PIGR: variants seen among roughly 807,000 people sequenced by gnomAD.
The protein encoded by PIGR is hepatocellular carcinoma associated protein TB6.
In PIGR, 22 loss-of-function variants were observed where a neutral mutation model predicts 69.5. The ratio of observed to expected loss-of-function variants is 0.32; its 90% CI spans 0.23 to 0.45. The LOEUF (loss-of-function observed/expected upper bound fraction) is 0.45, where lower values mean the gene tolerates loss of function less well. PIGR is among the 20% of genes least tolerant of loss of function. The probability of loss-of-function intolerance (pLI) is 1.00; values close to 1 mark genes in which losing one functional copy is unlikely to be tolerated. For synonymous variants in PIGR, 413 were observed against 407.6 expected, an observed-to-expected ratio of 1.01 and a Z score of -0.16; for missense variants, 885 against 974.0, an observed-to-expected ratio of 0.91 and a Z score of 1.22.
At position 206,939,188 on chromosome 1, in the gene PIGR, G is replaced by A. The variant is rs767630842; in HGVS notation, c.319C>T (p.Arg107Cys). 8 of 1,614,040 alleles carry A rather than the reference G, an allele frequency of 5.0e-6. No homozygotes were observed. The highest frequency in any genetic ancestry group is 3.3e-4 in the Middle Eastern group (2 of 6,084). Reference protein sequence around the residue: ...IAQLSQDDSGRYKCGLGINSR... With the variant: ...IAQLSQDDSGCYKCGLGINSR... ...TTGATGCCCAGGCCACACTTGTAGC[G>A]CCCGGAGTCATCCTGGCTCAGCTGG... is the stretch of plus-strand genomic sequence containing the variant. The change falls in exon 3 of 11, where the codon CGC becomes TGC. Residue 107 changes from arginine (R) to cysteine (C), a missense_variant. Transcript: ENST00000356495.
At position 206,937,164 on chromosome 1, in the gene PIGR, C is replaced by T. The variant is rs1368817773; in HGVS notation, c.976G>A (p.Gly326Arg). Residue 326 changes from glycine (G) to arginine (R), a missense_variant, in exon 4 of 11, where the codon GGA (glycine) becomes AGA (arginine). Coordinates refer to ENST00000356495, the MANE Select transcript of PIGR (RefSeq NM_002644.4). Reference protein sequence around the residue: ...RKEDAGRYLCGAHSDGQLQEG... With the variant: ...RKEDAGRYLCRAHSDGQLQEG... ...TGCAGCTGACCATCCGAATGGGCTC[C>T]ACACAGGTAGCGCCCTGCATCCTCC... 1 of 1,613,906 alleles carries T rather than the reference C, an allele frequency of 6.2e-7. No individual in the cohort carries two copies. Among genetic ancestry groups the T allele is most frequent in the Non-Finnish European group, 8.5e-7 (1 of 1,179,876 alleles).
Position 206,940,536 on chromosome 1 carries a change from G to A in PIGR, c.-5C>T. The A allele has an allele frequency of 4.5e-6, 7 of 1,551,294 alleles. No homozygotes were observed. The highest frequency in any genetic ancestry group is 6.1e-6 in the Non-Finnish European group (7 of 1,146,842). ...GGTGAGCACGAAGAGCAGCATTGCT[G>A]GTGGGTCCCGAGCGCCGCACCACTC... On this transcript the variant is annotated 5_prime_UTR_variant, in exon 2 of 11. Coordinates refer to ENST00000356495, the MANE Select transcript of PIGR (RefSeq NM_002644.4).
In PIGR at chr1:206,935,550, G is replaced by A; in HGVS notation, c.1314C>T (p.Phe438=). 6.2e-7 allele frequency: 1 copy of A among 1,614,216 alleles called. No individual in the cohort carries two copies. Among genetic ancestry groups the A allele is most frequent in the Admixed American group, 1.7e-5 (1 of 60,030 alleles). The change falls in exon 5 of 11, where the codon TTC becomes TTT. Residue 438 remains phenylalanine, a synonymous_variant. Coordinates refer to ENST00000356495, the MANE Select transcript of PIGR (RefSeq NM_002644.4). This position sits in a 1 kb window ranked among gnomAD's most constrained non-coding sequence, Gnocchi z 4.4. ...TATCGCCGTTGGTCAGACACCAGTA[G>A]AAGCCGGCGTCCCGGCTGGTGAGCT... The part of the protein sequence containing the change: ...LNQLTSRDAG[F]YWCLTNGDTL...
In PIGR at chr1:206,934,719, T is replaced by C. The variant is rs767674762; in HGVS notation, c.1406A>G (p.Asn469Ser). 3 of 1,609,062 alleles carry C rather than the reference T, an allele frequency of 1.9e-6. No individual in the cohort carries two copies. In the African/African-American group the frequency reaches 4.0e-5, roughly 21 times the overall value. The part of the protein sequence containing the change: ...EGEPNLKVPG[N>S]VTAVLGETLK... ...AGTCTCTCCCAGCACAGCCGTGACA[T>C]TCCCTGGTACCTTGAGGTTTGGTTC... The change falls in exon 6 of 11, where the codon AAT (asparagine) becomes AGT (serine). Residue 469 changes from asparagine to serine, a missense_variant. Physicochemically the swap from Asn to Ser is conservative, Grantham distance 46. Coordinates refer to ENST00000356495, the MANE Select transcript of PIGR (RefSeq NM_002644.4).
chr1:206,932,612 G>C lies in PIGR; in HGVS notation c.1887-35C>G, dbSNP rs759857003. 3.2e-6 allele frequency: 5 copies of C among 1,576,880 alleles called. No homozygotes were observed. The South Asian group carries it at 4.6e-5, about 15-fold the overall frequency. ...GGCTTAAGTTAGTTCATCCCTGGAA[G>C]GGAGATCTGGGGGCCCGACGATGTG... is the stretch of plus-strand genomic sequence containing the variant. On this transcript the variant is annotated intron_variant, in intron 7 of 10. Coordinates refer to ENST00000356495, the MANE Select transcript of PIGR (RefSeq NM_002644.4).
At chr1:206,939,983 G>T (rs1447600155) in intron 2 of PIGR, among the ~76,000 whole-genome samples, 1 of 152,208 alleles carries the variant, frequency 6.6e-6, no homozygotes, top group Non-Finnish European at 1.5e-5. Context: ...GCCTCCCAAA[G>T]TGCTGGCATT....
intron 10 of PIGR, chr1:206,931,223 G>C (rs546151398): frequency 4.0e-4 from 398 of 985,274 alleles, no homozygotes; most frequent in Non-Finnish European, 4.7e-4. Context: ...TTATGCACCT[G>C]CTTTCCTCAT....
intron 10 of PIGR, 92 bp downstream of exon 10, chr1:206,931,405 C>T (rs1466284048): frequency 2.5e-5 from 40 of 1,611,804 alleles, no homozygotes; most frequent in Non-Finnish European, 3.3e-5. Flanking sequence ...GGGATCGGCC[C>T]CCATGTTGAG....
intron 6 of PIGR, among the ~76,000 whole-genome samples, chr1:206,933,617 G>C (rs1445644275): frequency 6.6e-6 from 1 of 152,166 alleles, no homozygotes; most frequent in African/African-American, 2.4e-5. Context: ...CCTTATTAGG[G>C]CTAAAACATT....
rs993227521 is a variant in PIGR at position 206,928,737 on chromosome 1, A to G, written c.*1581T>C. ...CATCAGGGGTTGTGAGGGTTTGGCC[A>G]TTCTTTTATCTTGGGTCCATGTGAG... On this transcript the variant is annotated 3_prime_UTR_variant, in exon 11 of 11. Coordinates refer to ENST00000356495, the MANE Select transcript of PIGR (RefSeq NM_002644.4). The G allele has an allele frequency of 2.0e-5, 3 of 152,614 alleles. No homozygotes were observed. Among genetic ancestry groups the G allele is most frequent in the African/African-American group, 4.8e-5 (2 of 41,444 alleles). The allele number at this position is 152,614 out of a possible 1,614,324, so 9.5% of individuals were successfully genotyped here. A position where few individuals can be genotyped will look rare whatever the true frequency, so the allele number is the denominator to read the frequency against.
chr1:206,934,578 G>T lies in PIGR; in HGVS notation c.1547C>A (p.Ala516Asp), dbSNP rs868399687. 2.5e-6 allele frequency: 4 copies of T among 1,614,130 alleles called. No homozygotes were observed. The highest frequency in any genetic ancestry group is 3.4e-6 in the Non-Finnish European group (4 of 1,180,046). Residue 516 changes from alanine (A) to aspartate (D), a missense_variant, in exon 6 of 11, where the codon GCC becomes GAC. Ala to Asp is a moderately radical substitution (Grantham distance 126). Transcript: ENST00000356495. ...GCTGTTCTCGTCACAGTTCACGAAG[G>T]CCTTGCTGGGGCCTTCGTCTTGGCT... Reference protein sequence around the residue: ...LPSQDEGPSKAFVNCDENSRL... With the variant: ...LPSQDEGPSKDFVNCDENSRL...
chr1:206,938,980 T>C, intron 3 of PIGR, 139 bp downstream of exon 3: 1 of 683,572 alleles, frequency 1.5e-6, no homozygotes, highest in Non-Finnish European at 2.5e-6. Context: ...AAAGAAGTCT[T>C]TGCCTGGGGA....
chr1:206,930,307 G>T lies in PIGR; in HGVS notation c.*11C>A. The T allele has an allele frequency of 6.2e-7, 1 of 1,606,874 alleles. No individual in the cohort carries two copies. Among genetic ancestry groups the T allele is most frequent in the Non-Finnish European group, 8.5e-7 (1 of 1,175,994 alleles). On this transcript the variant is annotated 3_prime_UTR_variant, in exon 11 of 11. Coordinates refer to ENST00000356495, the MANE Select transcript of PIGR (RefSeq NM_002644.4). This position sits in a 1 kb window ranked among gnomAD's most constrained non-coding sequence, Gnocchi z 4.3. ...ATTGTCATGGGTGCAGGGAGCAGGC[G>T]GCGACACCGTCTAGGCTTCCTGGGG... is the stretch of plus-strand genomic sequence containing the variant.
intron 3 of PIGR, among the ~76,000 whole-genome samples, chr1:206,938,130 T>C (rs17018064): frequency 0.045 from 6,883 of 152,346 alleles, 264 homozygotes; most frequent in Admixed American, 0.13. Flanking sequence ...GCCAAATTAA[T>C]GTGTGCTGAA....
rs187851096 is a variant in PIGR at position 206,930,235 on chromosome 1, G to C, written c.*83C>G. The C allele has an allele frequency of 2.4e-6, 3 of 1,237,102 alleles. No individual in the cohort carries two copies. Among genetic ancestry groups the C allele is most frequent in the Non-Finnish European group, 3.4e-6 (3 of 890,304 alleles). 76.6% of individuals were successfully genotyped at this position (1,237,102 alleles called of 1,614,324 possible). ...AGGCAGGTGTTAGAGCAGGGAGTGG[G>C]GTCCCCAGGAGCTGAGGGCCCCAGG... On this transcript the variant is annotated 3_prime_UTR_variant, in exon 11 of 11. Transcript: ENST00000356495. The surrounding 1 kb of genome is among the most constrained non-coding windows in gnomAD (Gnocchi z 4.3).
At chr1:206,933,244 G>T in intron 6 of PIGR, 78 bp from the exon 7 acceptor site, 1 of 1,422,900 alleles carries the variant, frequency 7.0e-7, no homozygotes, top group Non-Finnish European at 9.6e-7. Context: ...GTCTGGGGGA[G>T]ACTTCATGAG....
intron 2 of PIGR, among the ~76,000 whole-genome samples, chr1:206,939,790 G>C (rs540662136): frequency 8.3e-4 from 127 of 152,246 alleles, no homozygotes; most frequent in Non-Finnish European, 1.3e-3. Flanking sequence ...GCAGTGGCAC[G>C]ATCTCGGCTC....
intron 8 of PIGR, 40 bp downstream of exon 8, chr1:206,932,415 CG>C (rs762097210): frequency 6.3e-7 from 1 of 1,578,114 alleles, no homozygotes; most frequent in Admixed American, 1.8e-5. Flanking sequence ...ACTGAGGGCT[CG>C]GGTTGGAGGT....
In PIGR at chr1:206,932,520, G is replaced by A; in HGVS notation, c.1944C>T (p.Gly648=). ...CCACGGCTCCCACTGCCAGCACCAGGCCCAGGGGCACCAGGGTGGAGACCA... is the reference window on the plus strand; with the variant it reads ...CCACGGCTCCCACTGCCAGCACCAGACCCAGGGGCACCAGGGTGGAGACCA... ...RALVSTLVPL[G]LVLAVGAVAV... The change falls in exon 8 of 11, where the codon GGC becomes GGT. Residue 648 remains glycine (G), a synonymous_variant. Transcript: ENST00000356495. 1 of 1,613,750 alleles carries A rather than the reference G, an allele frequency of 6.2e-7. No homozygotes were observed. The highest frequency in any genetic ancestry group is 8.5e-7 in the Non-Finnish European group (1 of 1,179,988).
Sources: allele counts gnomAD v4.1 joint callset (sites outside exome capture counted in the v4.1 genomes callset), GRCh38; gene constraint gnomAD v4.1.1; non-coding constraint Gnocchi (gnomAD v3.1); transcripts MANE v1.5; gene names NCBI Gene and HGNC (gene_info 2026-07-23, HGNC 2026-07-21).